LRMDA: variants seen among roughly 807,000 people sequenced by gnomAD.
The protein encoded by LRMDA is leucine-rich melanocyte differentiation-associated protein.
In LRMDA, 18 loss-of-function variants were observed where a neutral mutation model predicts 29.8. The observed-to-expected ratio is 0.60, with a 90% confidence interval of 0.42 to 0.90. LRMDA has a LOEUF of 0.90. LRMDA is among the 40% of genes least tolerant of loss of function. The pLI, the probability that LRMDA is intolerant of heterozygous loss-of-function variation, is 0.00. For missense variants in LRMDA, 273 were observed against 273.9 expected, an observed-to-expected ratio of 1.00 and a Z score of 0.02; for synonymous variants, 125 against 109.4, an observed-to-expected ratio of 1.14 and a Z score of -0.89.
chr10:76,365,511 A>G (rs1841382383), intron 6 of LRMDA, among the ~76,000 whole-genome samples: 1 of 152,052 alleles, frequency 6.6e-6, no homozygotes, highest in South Asian at 2.1e-4. Context: ...AATGTTGAGC[A>G]TTTGTTCATA....
chr10:76,227,430 TCCATGAA>T, intron 5 of LRMDA, among the ~76,000 whole-genome samples: 1 of 152,308 alleles, frequency 6.6e-6, no homozygotes. Flanking sequence ...GACAACTGGC[TCCATGAA>T]CGTGGGGCAT....
At chr10:75,804,865 AGTGGTCCCTGCGTTGACATGGCG>A (rs1239247080) in intron 2 of LRMDA, among the ~76,000 whole-genome samples, 1 of 152,116 alleles carries the variant, frequency 6.6e-6, no homozygotes, top group Non-Finnish European at 1.5e-5. Flanking sequence ...GCATGAGAGG[AGTGGTCCCTGCGTTGACATGGCG>A]GGTTCTGAGA....
intron 5 of LRMDA, among the ~76,000 whole-genome samples, chr10:76,152,043 T>G (rs1850455013): frequency 6.6e-6 from 1 of 152,166 alleles, no homozygotes; most frequent in African/African-American, 2.4e-5. Context: ...AACATAAAAT[T>G]CTTCGTTTTT....
intron 2 of LRMDA, among the ~76,000 whole-genome samples, chr10:75,573,597 T>C (rs1840463743): frequency 6.6e-6 from 1 of 152,218 alleles, no homozygotes; most frequent in Non-Finnish European, 1.5e-5. Context: ...TATTTTAATT[T>C]TGAAGACTGT....
chr10:75,866,489 G>C (rs1239358140), intron 2 of LRMDA, among the ~76,000 whole-genome samples: 1 of 152,242 alleles, frequency 6.6e-6, no homozygotes, highest in Non-Finnish European at 1.5e-5. Context: ...AAGATTGCTT[G>C]TTGGTTTTGC....
chr10:75,980,088 G>A (rs1564621945), intron 2 of LRMDA, among the ~76,000 whole-genome samples: 1 of 152,076 alleles, frequency 6.6e-6, no homozygotes, highest in Admixed American at 6.5e-5. Context: ...TCCTCACACT[G>A]GCATGTCCTC....
At chr10:75,690,313 A>AT (rs1229710443) in intron 2 of LRMDA, among the ~76,000 whole-genome samples, 2 of 151,164 alleles carry the variant, frequency 1.3e-5, no homozygotes, top group Non-Finnish European at 3.0e-5. Flanking sequence ...TGACTTCTAA[A>AT]TTTTTTTTTA....
At chr10:76,163,698 A>T (rs1467365553) in intron 5 of LRMDA, among the ~76,000 whole-genome samples, 1 of 152,180 alleles carries the variant, frequency 6.6e-6, no homozygotes, top group African/African-American at 2.4e-5. Context: ...AGCTTTGGAG[A>T]TCACAAAAAT....
At chr10:75,968,075 G>A (rs141460729) in intron 2 of LRMDA, among the ~76,000 whole-genome samples, 229 of 152,162 alleles carry the variant, frequency 1.5e-3, no homozygotes, top group African/African-American at 5.3e-3. Flanking sequence ...TCTGATGGTG[G>A]TGAGGGAGGG....
intron 2 of LRMDA, among the ~76,000 whole-genome samples, chr10:75,938,718 T>C (rs563808873): frequency 2.0e-4 from 31 of 152,292 alleles, no homozygotes; most frequent in African/African-American, 7.2e-4. Flanking sequence ...TAAAGTGTAG[T>C]ATCTGTTATA....
intron 5 of LRMDA, among the ~76,000 whole-genome samples, chr10:76,201,010 C>T (rs1851416513): frequency 6.6e-6 from 1 of 150,934 alleles, no homozygotes; most frequent in Admixed American, 6.6e-5. Context: ...AGCCACCATG[C>T]CTGGCCAATT....
intron 5 of LRMDA, among the ~76,000 whole-genome samples, chr10:76,102,656 T>G (rs908641933): frequency 3.3e-5 from 5 of 152,126 alleles, no homozygotes; most frequent in Non-Finnish European, 7.4e-5. Flanking sequence ...TTTTGTTTTT[T>G]TGTTTGTTTG....
intron 2 of LRMDA, among the ~76,000 whole-genome samples, chr10:75,847,795 A>G (rs1186837164): frequency 1.3e-5 from 2 of 152,200 alleles, no homozygotes; most frequent in African/African-American, 4.8e-5. Context: ...AGGTACCAAT[A>G]AATGGAAAGA....
intron 5 of LRMDA, among the ~76,000 whole-genome samples, chr10:76,194,886 A>G (rs1250418569): frequency 6.6e-6 from 1 of 152,238 alleles, no homozygotes; most frequent in East Asian, 1.9e-4. Flanking sequence ...CCAAAGTACA[A>G]TATGAATCTC....
intron 2 of LRMDA, among the ~76,000 whole-genome samples, chr10:75,602,165 G>T (rs1840895324): frequency 6.6e-6 from 1 of 151,796 alleles, no homozygotes; most frequent in African/African-American, 2.4e-5. Context: ...CAGCCAGTGA[G>T]TTTCTTATTA....
chr10:75,669,384 C>T (rs1841864191), intron 2 of LRMDA, among the ~76,000 whole-genome samples: 1 of 152,172 alleles, frequency 6.6e-6, no homozygotes, highest in South Asian at 2.1e-4. Flanking sequence ...AATCCTTTAA[C>T]CTGAGCCTGT....
intron 2 of LRMDA, among the ~76,000 whole-genome samples, chr10:76,020,174 G>A (rs1225201642): frequency 6.6e-6 from 1 of 152,256 alleles, no homozygotes; most frequent in Non-Finnish European, 1.5e-5. Flanking sequence ...TGGACCAGAT[G>A]TGGGTCGCCT....
At chr10:76,426,439 T>C (rs1277676177) in intron 6 of LRMDA, among the ~76,000 whole-genome samples, 3 of 152,256 alleles carry the variant, frequency 2.0e-5, no homozygotes, top group Non-Finnish European at 4.4e-5. Context: ...ACCCACTTTT[T>C]GATGGAGTTG....
chr10:76,253,654 T>C (rs1330811608), intron 5 of LRMDA, among the ~76,000 whole-genome samples: 2 of 152,214 alleles, frequency 1.3e-5, no homozygotes, highest in East Asian at 1.9e-4. Flanking sequence ...TTTACAATTT[T>C]AGTGTCATTA....
Sources: allele counts gnomAD v4.1 joint callset (sites outside exome capture counted in the v4.1 genomes callset), GRCh38; gene constraint gnomAD v4.1.1; transcripts MANE v1.5; gene names NCBI Gene and HGNC (gene_info 2026-07-23, HGNC 2026-07-21).